The following CHEK1 variants were observed in gnomAD, a reference collection of about 807,000 sequenced individuals.
CHEK1 encodes the protein serine/threonine-protein kinase Chk1.
Under a neutral mutation model 60.2 loss-of-function variants are expected in CHEK1, and 32 were observed. That is an observed-to-expected ratio of 0.53 (90% CI 0.40 to 0.71). CHEK1 has a LOEUF of 0.71. Ranked by LOEUF, CHEK1 falls within the 30% of genes least tolerant of loss-of-function variation. CHEK1 has a pLI of 0.00. For missense variants in CHEK1, 399 were observed against 564.6 expected (o/e 0.71, Z 2.97); for synonymous variants, 179 against 187.2 (o/e 0.96, Z 0.36).
At chr11:125,661,279 A>AT (rs113899988), downstream of CHEK1, among the ~76,000 whole-genome samples, 6,083 of 143,862 alleles carry the variant, frequency 0.042, 162 homozygotes, top group East Asian at 0.084. Context: ...CTTTTCTACC[A>AT]TTTTTTTTTT....
chr11:125,661,717 C>T (rs948351069), downstream of CHEK1, among the ~76,000 whole-genome samples: 1 of 151,800 alleles, frequency 6.6e-6, no homozygotes, highest in African/African-American at 2.4e-5. Context: ...AATATGCATA[C>T]TTGTTATAGT....
downstream of CHEK1, among the ~76,000 whole-genome samples, chr11:125,659,272 C>T (rs1300622720): frequency 6.6e-6 from 1 of 151,998 alleles, no homozygotes; most frequent in East Asian, 1.9e-4. Flanking sequence ...TAAGTTCCCT[C>T]TTTATTCCCT....
rs1565361813 is a variant in CHEK1 at position 125,627,674 on chromosome 11, G to GC, written c.135dup (p.Val46ArgfsTer8). 1 of 1,613,970 alleles carries GC rather than the reference G, an allele frequency of 6.2e-7. No homozygotes were observed. The highest frequency in any genetic ancestry group is 1.7e-5 in the Admixed American group (1 of 60,014). ...AGTGAAGATTGTAGATATGAAGCGT[G>GC]CCGTAGACTGTCCAGAAAATATTAA... is the stretch of plus-strand genomic sequence containing the variant. On this transcript the variant is annotated frameshift_variant, in exon 3 of 13. Transcript: ENST00000438015. LOFTEE classifies it high-confidence loss of function.
At chr11:125,644,462 TG>T (rs1190762646) in intron 10 of CHEK1, 49 bp from the exon 11 acceptor site, 1 of 1,584,788 alleles carries the variant, frequency 6.3e-7, no homozygotes, top group Admixed American at 1.9e-5. Flanking sequence ...ATGATATTAC[TG>T]TCTTTAGTCC....
chr11:125,632,090 ATAT>A (rs1394446207), intron 5 of CHEK1, among the ~76,000 whole-genome samples: 1 of 152,094 alleles, frequency 6.6e-6, no homozygotes, highest in Non-Finnish European at 1.5e-5. Flanking sequence ...TCATGCTATA[ATAT>A]TTTTTATGCT....
At chr11:125,679,185 C>T (rs1347461692), downstream of CHEK1, among the ~76,000 whole-genome samples, 1 of 147,758 alleles carries the variant, frequency 6.8e-6, no homozygotes, top group Non-Finnish European at 1.5e-5. Context: ...TTTTTTCTGG[C>T]CAGTCTCTTC....
chr11:125,666,259 T>C (rs546481765), intron 13 of CHEK1, among the ~76,000 whole-genome samples: 139 of 152,130 alleles, frequency 9.1e-4, no homozygotes, highest in African/African-American at 3.2e-3. Flanking sequence ...TCTTTTTACT[T>C]ATTGGTCTTT....
chr11:125,661,479 T>C (rs150376673), downstream of CHEK1, among the ~76,000 whole-genome samples: 3,123 of 152,206 alleles, frequency 0.021, 82 homozygotes, highest in African/African-American at 0.068. Flanking sequence ...GTCTGGCTAA[T>C]TTTTGTATTT....
rs1940759533 is a variant in CHEK1, at chr11:125,629,255, C to T, written c.313C>T (p.Pro105Ser). The T allele has an allele frequency of 6.2e-7, 1 of 1,614,008 alleles. No individual in the cohort carries two copies. Among genetic ancestry groups the T allele is most frequent in the African/African-American group, 1.3e-5 (1 of 74,910 alleles). Residue 105 changes from proline to serine, a missense_variant, in exon 4 of 13, where the codon CCA becomes TCA. Transcript: ENST00000438015. Reference sequence around the variant, plus strand: ...AGAGCCAGACATAGGCATGCCTGAACCAGATGCTCAGAGATTCTTCCATCA... The same window carrying T: ...AGAGCCAGACATAGGCATGCCTGAATCAGATGCTCAGAGATTCTTCCATCA... ...RIEPDIGMPEPDAQRFFHQLM... is the reference protein window; with the variant it reads ...RIEPDIGMPESDAQRFFHQLM...
At chr11:125,678,675 G>A (rs770592866), downstream of CHEK1, among the ~76,000 whole-genome samples, 3 of 152,014 alleles carry the variant, frequency 2.0e-5, no homozygotes, top group South Asian at 2.1e-4. Context: ...TCAGAAGTTC[G>A]CCACCAACCC....
intron 8 of CHEK1, among the ~76,000 whole-genome samples, chr11:125,641,432 A>G (rs1243742155): frequency 2.6e-5 from 4 of 151,898 alleles, no homozygotes; most frequent in Non-Finnish European, 5.9e-5. Context: ...TAGTGATATT[A>G]CTTGGTTTCA....
chr11:125,660,549 A>G (rs189598437), downstream of CHEK1, among the ~76,000 whole-genome samples: 5 of 151,804 alleles, frequency 3.3e-5, no homozygotes, highest in Non-Finnish European at 5.9e-5. Context: ...TTTGCTTTAT[A>G]CATTTTGGGA....
chr11:125,633,450 T>G, intron 6 of CHEK1, 99 bp downstream of exon 6: 1 of 1,118,618 alleles, frequency 8.9e-7, no homozygotes, highest in South Asian at 2.3e-5. Context: ...TATATAATAG[T>G]TTTTGTTTTC....
At chr11:125,664,921 A>G (rs975227084) in intron 13 of CHEK1, among the ~76,000 whole-genome samples, 1 of 152,140 alleles carries the variant, frequency 6.6e-6, no homozygotes, top group Non-Finnish European at 1.5e-5. Context: ...CTACATTTAG[A>G]ACTTTAATTC....
intron 11 of CHEK1, among the ~76,000 whole-genome samples, chr11:125,651,698 T>TG (rs1941741195): frequency 6.6e-6 from 1 of 152,162 alleles, no homozygotes; most frequent in African/African-American, 2.4e-5. Flanking sequence ...TATGAACTGT[T>TG]ATTTTCAAGG....
At chr11:125,641,893 A>G (rs961254486) in intron 8 of CHEK1, among the ~76,000 whole-genome samples, 2 of 152,098 alleles carry the variant, frequency 1.3e-5, no homozygotes, top group Non-Finnish European at 2.9e-5. Flanking sequence ...TCACTATTCT[A>G]CCCAAATCCT....
At chr11:125,664,162 GGAGA>G (rs1311508452) in intron 13 of CHEK1, among the ~76,000 whole-genome samples, 1 of 151,920 alleles carries the variant, frequency 6.6e-6, no homozygotes, top group African/African-American at 2.4e-5. Context: ...CATTTTAACA[GGAGA>G]GATATCTCAA....
chr11:125,649,096 G>T (rs1169105341), intron 11 of CHEK1, among the ~76,000 whole-genome samples: 1 of 152,058 alleles, frequency 6.6e-6, no homozygotes, highest in Non-Finnish European at 1.5e-5. Context: ...GCACCACCAT[G>T]CCCAGCTAAA....
At chr11:125,631,830 C>T (rs2702006) in intron 5 of CHEK1, among the ~76,000 whole-genome samples, 1 of 104,784 alleles carries the variant, frequency 9.5e-6, no homozygotes, top group Admixed American at 1.2e-4. Context: ...TCACTACACT[C>T]TAGTCTGGGC....
Sources: allele counts gnomAD v4.1 joint callset (sites outside exome capture counted in the v4.1 genomes callset), GRCh38; gene constraint gnomAD v4.1.1; transcripts MANE v1.5; gene names NCBI Gene and HGNC (gene_info 2026-07-23, HGNC 2026-07-21).